TFB2M: variants seen among roughly 807,000 people sequenced by gnomAD.
TFB2M encodes the protein dimethyladenosine transferase 2, mitochondrial.
In TFB2M, 44 loss-of-function variants were observed where a neutral mutation model predicts 41.3. The ratio of observed to expected loss-of-function variants is 1.07; its 90% CI spans 0.84 to 1.37. The LOEUF (loss-of-function observed/expected upper bound fraction) is 1.37. TFB2M is among the 40% of genes most tolerant of loss of function. TFB2M has a pLI of 0.00. For missense variants in TFB2M, 496 were observed against 490.2 expected (o/e 1.01, Z -0.11); for synonymous variants, 188 against 176.8 (o/e 1.06, Z -0.50).
chr1:246,544,683 T>C lies in TFB2M; in HGVS notation c.859-2A>G. On this transcript the variant is annotated splice_acceptor_variant, in intron 6 of 7. Transcript: ENST00000366514. LOFTEE classifies it high-confidence loss of function. ...TTGTTGTAATTGGTCTAATAATTCC[T>C]GGAGAGAAGAAAAAATGAATTGCAT... The C allele has an allele frequency of 1.3e-6, 2 of 1,581,620 alleles. No individual in the cohort carries two copies. Among genetic ancestry groups the C allele is most frequent in the Non-Finnish European group, 1.7e-6 (2 of 1,171,280 alleles).
At chr1:246,553,302 C>T (rs4654291) in intron 4 of TFB2M, among the ~76,000 whole-genome samples, 60,339 of 152,090 alleles carry the variant, frequency 0.4, 12,649 homozygotes, top group Non-Finnish European at 0.46. Flanking sequence ...TTATGCACTA[C>T]CAACGGACAA....
chr1:246,557,673 T>C (rs1659361271), intron 2 of TFB2M, 139 bp from the exon 3 acceptor site: 2 of 779,298 alleles, frequency 2.6e-6, no homozygotes, highest in Non-Finnish European at 3.8e-6. Context: ...TTTTTTGTTT[T>C]GTTTTGTTTT....
chr1:246,545,505 G>A (rs547428448), intron 6 of TFB2M, among the ~76,000 whole-genome samples: 74 of 151,872 alleles, frequency 4.9e-4, no homozygotes, highest in Non-Finnish European at 1.0e-3. Flanking sequence ...ACAGAGCCAG[G>A]CCTTCTCTTA....
chr1:246,558,923 CAA>C (rs11346976), intron 2 of TFB2M, among the ~76,000 whole-genome samples: 3,736 of 151,368 alleles, frequency 0.025, 154 homozygotes, highest in African/African-American at 0.085. Flanking sequence ...TTCGAAGTTA[CAA>C]AAAAAAAAAT....
Position 246,544,768 on chromosome 1 carries a change from G to A in TFB2M, c.859-87C>T. On this transcript the variant is annotated intron_variant, in intron 6 of 7. Coordinates refer to ENST00000366514, the MANE Select transcript of TFB2M (RefSeq NM_022366.3). ...CACTTCTTCCTTCAAGCTATCTGCT[G>A]AAAGACACAATCACCACAGGCCCTG... 3 of 1,195,700 alleles carry A rather than the reference G, an allele frequency of 2.5e-6. No homozygotes were observed. In the South Asian group the frequency reaches 4.6e-5, roughly 18 times the overall value. 74.1% of individuals were successfully genotyped at this position (1,195,700 alleles called of 1,614,324 possible).
At chr1:246,543,656 A>G (rs1455816905) in intron 7 of TFB2M, among the ~76,000 whole-genome samples, 2 of 152,138 alleles carry the variant, frequency 1.3e-5, no homozygotes, top group African/African-American at 4.8e-5. Context: ...ATGGATGGCC[A>G]GGTGCAGTGG....
chr1:246,557,303 T>G (rs1328744926), intron 3 of TFB2M, 78 bp downstream of exon 3: 1 of 1,468,506 alleles, frequency 6.8e-7, no homozygotes, highest in Non-Finnish European at 9.2e-7. Flanking sequence ...AAACACAAAT[T>G]TCATCAACAA....
chr1:246,544,669 G>C lies in TFB2M; in HGVS notation c.871C>G (p.Gln291Glu). 6.3e-7 allele frequency: 1 copy of C among 1,592,654 alleles called. No individual in the cohort carries two copies. Among genetic ancestry groups the C allele is most frequent in the African/African-American group, 1.4e-5 (1 of 73,336 alleles). The change falls in exon 7 of 8, where the codon CAA becomes GAA. Residue 291 changes from glutamine (Q) to glutamate (E), a missense_variant. Coordinates refer to ENST00000366514, the MANE Select transcript of TFB2M (RefSeq NM_022366.3). The part of the protein sequence containing the change: ...ENPKRRELLD[Q>E]LQQKLYLIQM... ...ATAAGATACAGCTTTTGTTGTAATT[G>C]GTCTAATAATTCCTGGAGAGAAGAA...
intron 4 of TFB2M, among the ~76,000 whole-genome samples, chr1:246,556,011 G>A (rs750674841): frequency 5.3e-5 from 8 of 152,012 alleles, no homozygotes; most frequent in African/African-American, 1.2e-4. Flanking sequence ...AACTGGTCTC[G>A]AACTCCTGAC....
chr1:246,544,842 G>T (rs997278531), intron 6 of TFB2M, among the ~76,000 whole-genome samples, 161 bp from the exon 7 acceptor site: 4 of 152,152 alleles, frequency 2.6e-5, no homozygotes, highest in African/African-American at 9.7e-5. Context: ...GTCTCACTCT[G>T]TCGCCCAGGC....
chr1:246,545,101 C>T (rs780298535), intron 6 of TFB2M, among the ~76,000 whole-genome samples: 22 of 152,162 alleles, frequency 1.4e-4, no homozygotes, highest in South Asian at 4.1e-4. Flanking sequence ...CCACCGTGCC[C>T]GGCCCACATT....
chr1:246,549,143 G>A (rs1184105043), intron 5 of TFB2M, among the ~76,000 whole-genome samples: 2 of 151,828 alleles, frequency 1.3e-5, no homozygotes, highest in African/African-American at 4.8e-5. Flanking sequence ...GGAGTTTGCA[G>A]TAAGCCACTG....
intron 4 of TFB2M, among the ~76,000 whole-genome samples, chr1:246,553,889 C>A (rs1384369229): frequency 1.3e-5 from 2 of 152,110 alleles, no homozygotes; most frequent in Non-Finnish European, 2.9e-5. Context: ...ACTCAAATAG[C>A]CTAAACAATC....
At chr1:246,546,673 T>C (rs571967097) in intron 6 of TFB2M, among the ~76,000 whole-genome samples, 4 of 148,036 alleles carry the variant, frequency 2.7e-5, no homozygotes, top group Non-Finnish European at 6.0e-5. Flanking sequence ...AACATGGCAT[T>C]AACATATATT....
At chr1:246,544,723 T>C (rs2102983005) in intron 6 of TFB2M, 42 bp from the exon 7 acceptor site, 2 of 1,550,330 alleles carry the variant, frequency 1.3e-6, no homozygotes, top group East Asian at 2.3e-5. Flanking sequence ...CACAAAATAT[T>C]GCCAGAGTAA....
chr1:246,552,337 G>A (rs886714024), intron 4 of TFB2M, among the ~76,000 whole-genome samples: 11 of 152,164 alleles, frequency 7.2e-5, no homozygotes, highest in African/African-American at 2.7e-4. Flanking sequence ...ATTCTGGGCA[G>A]AAAAGAAAGA....
chr1:246,540,593 C>CTTAAATCATA lies in TFB2M; in HGVS notation c.*428_*437dup, dbSNP rs1299241238. 1 of 152,992 alleles carries CTTAAATCATA rather than the reference C, an allele frequency of 6.5e-6. No homozygotes were observed. The highest frequency in any genetic ancestry group is 2.4e-5 in the African/African-American group (1 of 41,422). The allele number at this position is 152,992 out of a possible 1,614,324, so 9.5% of individuals were successfully genotyped here. Reference sequence around the variant, plus strand: ...TTAAAATATTTTAATTTCTAAAAAGCTTAAATCATATTAAAATTTAAACAA... The same window carrying CTTAAATCATA: ...TTAAAATATTTTAATTTCTAAAAAGCTTAAATCATATTAAATCATATTAAAATTTAAACAA... On this transcript the variant is annotated 3_prime_UTR_variant, in exon 8 of 8. Transcript: ENST00000366514.
At chr1:246,551,585 G>A (rs1383127790) in intron 4 of TFB2M, among the ~76,000 whole-genome samples, 3 of 151,440 alleles carry the variant, frequency 2.0e-5, no homozygotes, top group East Asian at 2.0e-4. Context: ...GGCAGGGCAC[G>A]CGGGGTCACG....
chr1:246,546,848 T>C (rs542257636), intron 6 of TFB2M, among the ~76,000 whole-genome samples: 1 of 152,204 alleles, frequency 6.6e-6, no homozygotes, highest in East Asian at 1.9e-4. Flanking sequence ...ACTGCTTCCA[T>C]AGCAATATGA....
Sources: allele counts gnomAD v4.1 joint callset (sites outside exome capture counted in the v4.1 genomes callset), GRCh38; gene constraint gnomAD v4.1.1; transcripts MANE v1.5; gene names NCBI Gene and HGNC (gene_info 2026-07-23, HGNC 2026-07-21).